Variants in LINGO2 observed in about 807,000 individuals in gnomAD.
The protein encoded by LINGO2 is leucine-rich repeat and immunoglobulin-like domain-containing nogo receptor-interacting protein 2.
LINGO2 carries 14 observed loss-of-function variants against 30.6 expected under a neutral mutation model. That is an observed-to-expected ratio of 0.46 (90% confidence interval 0.30 to 0.72). LINGO2 has a LOEUF of 0.72. LINGO2 is among the 30% of genes least tolerant of loss of function. LINGO2 has a pLI of 0.07. For missense variants in LINGO2, 729 were observed against 751.7 expected, an observed-to-expected ratio of 0.97 and a Z score of 0.35; for synonymous variants, 317 against 288.5, an observed-to-expected ratio of 1.10 and a Z score of -1.00.
intron 4 of LINGO2, among the ~76,000 whole-genome samples, chr9:28,247,048 G>A (rs1207480946): frequency 2.0e-5 from 3 of 152,054 alleles, no homozygotes; most frequent in Non-Finnish European, 4.4e-5. Flanking sequence ...AAACCACAAT[G>A]GAATACCATC....
At chr9:28,645,479 A>G (rs1443456653) in intron 1 of LINGO2, among the ~76,000 whole-genome samples, 2 of 152,154 alleles carry the variant, frequency 1.3e-5, no homozygotes, top group Non-Finnish European at 2.9e-5. Flanking sequence ...ATCTGAATCT[A>G]CTGATAGTAG....
intron 5 of LINGO2, among the ~76,000 whole-genome samples, chr9:27,981,283 A>G (rs1298665261): frequency 1.3e-5 from 2 of 151,626 alleles, no homozygotes; most frequent in African/African-American, 2.4e-5. Context: ...CCTCTTAACA[A>G]CCTTGTAAGA....
chr9:27,985,693 T>C (rs914524405), intron 5 of LINGO2, among the ~76,000 whole-genome samples: 16 of 151,798 alleles, frequency 1.1e-4, no homozygotes, highest in African/African-American at 3.4e-4. Context: ...ATGATTACTA[T>C]GATTCTACTG....
chr9:28,198,295 TAC>T (rs1412456074), intron 4 of LINGO2, among the ~76,000 whole-genome samples: 1 of 151,956 alleles, frequency 6.6e-6, no homozygotes, highest in Non-Finnish European at 1.5e-5. Context: ...ATGCTGTGTA[TAC>T]AGTTTTACCA....
At chr9:28,314,697 A>G (rs111939314) in intron 3 of LINGO2, among the ~76,000 whole-genome samples, 3,603 of 152,264 alleles carry the variant, frequency 0.024, 137 homozygotes, top group African/African-American at 0.082. Context: ...AAAGATAAAT[A>G]TATGAGGCCG....
At chr9:28,893,134 A>T in the LINGO2 span, among the ~76,000 whole-genome samples, 1 of 151,922 alleles carries the variant, frequency 6.6e-6, no homozygotes, top group African/African-American at 2.4e-5. Flanking sequence ...CCAATCCAAC[A>T]GCCTTCCTGG....
At chr9:28,724,117 G>T in the LINGO2 span, among the ~76,000 whole-genome samples, 9 of 152,204 alleles carry the variant, frequency 5.9e-5, no homozygotes, top group African/African-American at 2.2e-4. Context: ...TCAGAGATTA[G>T]ATCTAGTTCT....
chr9:28,662,393 GAATGTT>G (rs1269345505), intron 1 of LINGO2, among the ~76,000 whole-genome samples: 1 of 152,130 alleles, frequency 6.6e-6, no homozygotes, highest in African/African-American at 2.4e-5. Context: ...CACAGACTTA[GAATGTT>G]AATATTTATC....
the LINGO2 span, among the ~76,000 whole-genome samples, chr9:28,801,322 A>G: frequency 6.6e-6 from 1 of 152,082 alleles, no homozygotes; most frequent in Admixed American, 6.6e-5. Context: ...AGGAGAGTGT[A>G]TACTGAGCAA....
At chr9:28,576,343 T>A (rs1587895573) in intron 1 of LINGO2, among the ~76,000 whole-genome samples, 1 of 152,212 alleles carries the variant, frequency 6.6e-6, no homozygotes, top group Non-Finnish European at 1.5e-5. Context: ...AAATGCATTA[T>A]CACTTTTGCA....
intron 5 of LINGO2, among the ~76,000 whole-genome samples, chr9:27,952,438 G>A (rs1214328819): frequency 6.6e-6 from 1 of 151,752 alleles, no homozygotes; most frequent in African/African-American, 2.4e-5. Flanking sequence ...TTTTAAGCTT[G>A]AAAAATTAAT....
chr9:28,811,686 T>A, the LINGO2 span, among the ~76,000 whole-genome samples: 1 of 152,190 alleles, frequency 6.6e-6, no homozygotes, highest in Non-Finnish European at 1.5e-5. Context: ...TGCTTTGTTA[T>A]CATTCTAAAT....
chr9:28,741,776 T>C, the LINGO2 span, among the ~76,000 whole-genome samples: 5 of 151,574 alleles, frequency 3.3e-5, no homozygotes, highest in African/African-American at 1.2e-4. Flanking sequence ...TCCATGGGGG[T>C]TGGCCTAGAG....
the LINGO2 span, among the ~76,000 whole-genome samples, chr9:28,717,388 T>A: frequency 6.7e-6 from 1 of 148,670 alleles, no homozygotes; most frequent in Non-Finnish European, 1.5e-5. Flanking sequence ...AAAAAATAAA[T>A]GTTATTAAGG....
chr9:28,557,661 G>A (rs1413767830), intron 1 of LINGO2, among the ~76,000 whole-genome samples: 1 of 151,552 alleles, frequency 6.6e-6, no homozygotes, highest in Non-Finnish European at 1.5e-5. Flanking sequence ...ATACCCAAAG[G>A]ACTATAAATC....
chr9:28,134,339 C>A (rs573133939), intron 4 of LINGO2, among the ~76,000 whole-genome samples: 2 of 152,308 alleles, frequency 1.3e-5, no homozygotes, highest in South Asian at 2.1e-4. Flanking sequence ...TACCTAAGAA[C>A]AACTCGCTAT....
At chr9:29,154,541 C>T in the LINGO2 span, among the ~76,000 whole-genome samples, 6 of 151,484 alleles carry the variant, frequency 4.0e-5, no homozygotes, top group Admixed American at 3.3e-4. Context: ...AAAGGGGAAG[C>T]GCTATACTAA....
chr9:28,997,244 C>A, the LINGO2 span, among the ~76,000 whole-genome samples: 34 of 152,074 alleles, frequency 2.2e-4, no homozygotes, highest in South Asian at 6.9e-3. Context: ...GCCTGGGCAA[C>A]ACAGTGAGAC....
chr9:29,210,356 TAG>T, the LINGO2 span, among the ~76,000 whole-genome samples: 2 of 152,200 alleles, frequency 1.3e-5, no homozygotes, highest in African/African-American at 4.8e-5. Context: ...CCTTTGGTTT[TAG>T]AGGTGTCTTT....
Sources: gnomAD v4.1 joint callset for allele counts (sites outside exome capture counted in the v4.1 genomes callset) on GRCh38, gnomAD v4.1.1 for gene constraint, MANE v1.5 for transcripts, NCBI Gene and HGNC (gene_info 2026-07-23, HGNC 2026-07-21) for gene names.